Variants in HS6ST1 observed in about 807,000 individuals in gnomAD.
The protein encoded by HS6ST1 is heparan-sulfate 6-O-sulfotransferase 1.
In HS6ST1, 3 loss-of-function variants were observed where a neutral mutation model predicts 25.2. The ratio of observed to expected loss-of-function variants is 0.12; its 90% CI spans 0.05 to 0.31. The LOEUF (loss-of-function observed/expected upper bound fraction) is 0.31. Ranked by LOEUF, HS6ST1 falls within the 10% of genes least tolerant of loss-of-function variation. The probability of loss-of-function intolerance (pLI) is 1.00; values close to 1 mark genes in which losing one functional copy is unlikely to be tolerated. For missense variants in HS6ST1, 310 were observed against 609.6 expected, an observed-to-expected ratio of 0.51 and a Z score of 5.18; for synonymous variants, 204 against 275.1, an observed-to-expected ratio of 0.74 and a Z score of 2.56.
chr2:128,312,398 C>T (rs1694305043), intron 1 of HS6ST1, among the ~76,000 whole-genome samples: 1 of 152,220 alleles, frequency 6.6e-6, no homozygotes, highest in African/African-American at 2.4e-5. Flanking sequence ...AACAAGATGA[C>T]CCATTCCAAG....
At position 128,265,944 on chromosome 2, in the gene HS6ST1, G is replaced by A. The variant is rs909864239; in HGVS notation, c.*2218C>T. On this transcript the variant is annotated 3_prime_UTR_variant, in exon 2 of 2. Coordinates refer to ENST00000259241, the MANE Select transcript of HS6ST1 (RefSeq NM_004807.3). Reference sequence around the variant, plus strand: ...CAGGCTGGACACTTGGGGGCTGAGGGCACTGCCAGCTGCCGCCGCCTCTGG... The same window carrying A: ...CAGGCTGGACACTTGGGGGCTGAGGACACTGCCAGCTGCCGCCGCCTCTGG... 2.6e-5 allele frequency: 4 copies of A among 151,652 alleles called. No homozygotes were observed. Among genetic ancestry groups the A allele is most frequent in the Admixed American group, 6.6e-5 (1 of 15,228 alleles). The allele number at this position is 151,652 out of a possible 1,614,324, so 9.4% of individuals were successfully genotyped here. A position where few individuals can be genotyped will look rare whatever the true frequency, so the allele number is the denominator to read the frequency against.
At chr2:128,296,537 T>C (rs1334376904) in intron 1 of HS6ST1, among the ~76,000 whole-genome samples, 1 of 152,150 alleles carries the variant, frequency 6.6e-6, no homozygotes, top group Non-Finnish European at 1.5e-5. Flanking sequence ...AAAGTAAAAA[T>C]TAAAAGAAAT....
rs1693497124 is a variant in HS6ST1, at chr2:128,265,591, C to T, written c.*2571G>A. On this transcript the variant is annotated 3_prime_UTR_variant, in exon 2 of 2. Transcript: ENST00000259241. ...TCAACTCATTTTTTTGTATGAATAA[C>T]CAAAAAATTTCTTCAACACTTTTTT... 6.6e-6 allele frequency: 1 copy of T among 152,176 alleles called. No individual in the cohort carries two copies. Among genetic ancestry groups the T allele is most frequent in the Non-Finnish European group, 1.5e-5 (1 of 68,026 alleles). The allele number at this position is 152,176 out of a possible 1,614,324, so 9.4% of individuals were successfully genotyped here. A position where few individuals can be genotyped will look rare whatever the true frequency, so the allele number is the denominator to read the frequency against.
At chr2:128,288,239 T>G (rs1221444234) in intron 1 of HS6ST1, among the ~76,000 whole-genome samples, 1 of 152,028 alleles carries the variant, frequency 6.6e-6, no homozygotes, top group Non-Finnish European at 1.5e-5. Context: ...TAACTACACA[T>G]CCACCATGGC....
chr2:128,279,635 C>T (rs763147475), intron 1 of HS6ST1, among the ~76,000 whole-genome samples: 1 of 152,126 alleles, frequency 6.6e-6, no homozygotes, highest in Non-Finnish European at 1.5e-5. Flanking sequence ...AAAAACCCTA[C>T]TCCAGGTCAG....
intron 1 of HS6ST1, among the ~76,000 whole-genome samples, chr2:128,317,221 GCT>G (rs1230669062): frequency 2.0e-5 from 3 of 152,232 alleles, no homozygotes; most frequent in Non-Finnish European, 4.4e-5. Context: ...CCCCTCCCAT[GCT>G]CTGTGTCCTC....
At chr2:128,298,673 C>T (rs1158002748) in intron 1 of HS6ST1, among the ~76,000 whole-genome samples, 2 of 151,966 alleles carry the variant, frequency 1.3e-5, no homozygotes, top group Non-Finnish European at 1.5e-5. Flanking sequence ...ATGAGGAGTT[C>T]GTGTTTAATG....
chr2:128,283,354 T>A (rs1377566271), intron 1 of HS6ST1, among the ~76,000 whole-genome samples: 1 of 152,186 alleles, frequency 6.6e-6, no homozygotes, highest in Non-Finnish European at 1.5e-5. Flanking sequence ...AGTGCTCACA[T>A]CTCTGTCTTC....
intron 1 of HS6ST1, among the ~76,000 whole-genome samples, chr2:128,313,420 T>A (rs1558882504): frequency 6.6e-6 from 1 of 152,136 alleles, no homozygotes; most frequent in Non-Finnish European, 1.5e-5. Flanking sequence ...ACAGACAACA[T>A]TTATGGTGAA....
At chr2:128,273,603 T>A (rs1452417245) in intron 1 of HS6ST1, among the ~76,000 whole-genome samples, 1 of 152,190 alleles carries the variant, frequency 6.6e-6, no homozygotes, top group Non-Finnish European at 1.5e-5. Flanking sequence ...CTCTGCCTTG[T>A]CCCCTTCCCT....
intron 1 of HS6ST1, among the ~76,000 whole-genome samples, chr2:128,286,423 G>C (rs1693861867): frequency 1.3e-5 from 2 of 152,010 alleles, no homozygotes; most frequent in African/African-American, 4.8e-5. Flanking sequence ...GAGCTTGGAG[G>C]ACGAGGAGGA....
intron 1 of HS6ST1, among the ~76,000 whole-genome samples, chr2:128,283,512 T>C (rs1296686022): frequency 6.6e-6 from 1 of 152,022 alleles, no homozygotes; most frequent in Admixed American, 6.5e-5. Flanking sequence ...GCCAGGGAGG[T>C]GTCCATGGAG....
chr2:128,275,435 G>A (rs934556350), intron 1 of HS6ST1, among the ~76,000 whole-genome samples: 7 of 152,146 alleles, frequency 4.6e-5, no homozygotes, highest in Non-Finnish European at 7.3e-5. Context: ...GGTAAACACC[G>A]GAAGTATACT....
chr2:128,308,309 C>A (rs187037778), intron 1 of HS6ST1, among the ~76,000 whole-genome samples: 1 of 152,326 alleles, frequency 6.6e-6, no homozygotes, highest in Non-Finnish European at 1.5e-5. Flanking sequence ...CCCAGTTACA[C>A]CCCTGGAGAT....
intron 1 of HS6ST1, among the ~76,000 whole-genome samples, chr2:128,272,132 C>T (rs2104911307): frequency 6.6e-6 from 1 of 152,328 alleles, no homozygotes; most frequent in East Asian, 1.9e-4. Flanking sequence ...ATGACAGCCT[C>T]CTCACCCCTG....
chr2:128,270,854 C>T (rs1433281473), intron 1 of HS6ST1, among the ~76,000 whole-genome samples: 2 of 152,224 alleles, frequency 1.3e-5, no homozygotes, highest in African/African-American at 4.8e-5. Flanking sequence ...CTGTGAGTTA[C>T]AGCCACAAGG....
intron 1 of HS6ST1, among the ~76,000 whole-genome samples, chr2:128,315,421 T>C (rs551537795): frequency 6.6e-6 from 1 of 151,580 alleles, no homozygotes; most frequent in Non-Finnish European, 1.5e-5. Flanking sequence ...CAGCAGGGAA[T>C]GGGAGGGGCT....
At chr2:128,273,155 C>T (rs890595442) in intron 1 of HS6ST1, among the ~76,000 whole-genome samples, 2 of 152,174 alleles carry the variant, frequency 1.3e-5, no homozygotes, top group African/African-American at 2.4e-5. Flanking sequence ...AGCGGCTCTG[C>T]GTCTTGTAAT....
intron 1 of HS6ST1, among the ~76,000 whole-genome samples, chr2:128,306,416 T>C (rs1278452728): frequency 6.6e-6 from 1 of 152,148 alleles, no homozygotes; most frequent in African/African-American, 2.4e-5. Flanking sequence ...CACCCCACCC[T>C]GGCCACGATG....
Sources: gnomAD v4.1 joint callset for allele counts (sites outside exome capture counted in the v4.1 genomes callset) on GRCh38, gnomAD v4.1.1 for gene constraint, MANE v1.5 for transcripts, NCBI Gene and HGNC (gene_info 2026-07-23, HGNC 2026-07-21) for gene names.